ACAD11: variants seen among roughly 807,000 people sequenced by gnomAD.
ACAD11 encodes acyl-CoA dehydrogenase family member 11.
Under a neutral mutation model 102.2 loss-of-function variants are expected in ACAD11, and 83 were observed. The observed-to-expected ratio is 0.81, with a 90% CI of 0.68 to 0.97. ACAD11 has a LOEUF of 0.97. ACAD11 is among the 50% of genes least tolerant of loss of function. The pLI, the probability that ACAD11 is intolerant of heterozygous loss-of-function variation, is 0.00. For missense variants in ACAD11, 901 were observed against 951.7 expected, an observed-to-expected ratio of 0.95 and a Z score of 0.70; for synonymous variants, 324 against 319.8, an observed-to-expected ratio of 1.01 and a Z score of -0.14.
intron 1 of ACAD11, among the ~76,000 whole-genome samples, chr3:132,649,579 C>T (rs1312129343): frequency 6.6e-6 from 1 of 152,226 alleles, no homozygotes; most frequent in Non-Finnish European, 1.5e-5. Flanking sequence ...TGTCCTGCCA[C>T]ATTGCTCTTG....
intron 3 of ACAD11, among the ~76,000 whole-genome samples, 157 bp downstream of exon 3, chr3:132,642,520 C>T (rs1287851093): frequency 6.6e-6 from 1 of 152,118 alleles, no homozygotes; most frequent in Non-Finnish European, 1.5e-5. Context: ...TGTAAGTGCT[C>T]AAATTTGAAC....
At chr3:132,642,476 T>A (rs557973841) in intron 3 of ACAD11, among the ~76,000 whole-genome samples, 5 of 152,226 alleles carry the variant, frequency 3.3e-5, no homozygotes, top group Non-Finnish European at 7.3e-5. Flanking sequence ...CCCTAATTAC[T>A]AAATTTGTTT....
At chr3:132,652,518 C>G (rs1211576495) in intron 1 of ACAD11, among the ~76,000 whole-genome samples, 5 of 152,160 alleles carry the variant, frequency 3.3e-5, no homozygotes, top group African/African-American at 1.2e-4. Context: ...CCTTTCCTCA[C>G]TTCATGGTGT....
intron 17 of ACAD11, among the ~76,000 whole-genome samples, chr3:132,567,435 T>C (rs892115190): frequency 3.9e-5 from 6 of 151,944 alleles, no homozygotes; most frequent in Admixed American, 3.9e-4. Context: ...GTATATATAA[T>C]ACCTAGAACA....
At chr3:132,598,759 A>G (rs1938426425) in intron 13 of ACAD11, among the ~76,000 whole-genome samples, 1 of 152,206 alleles carries the variant, frequency 6.6e-6, no homozygotes, top group Non-Finnish European at 1.5e-5. Context: ...AATTAGTCCT[A>G]TCACTGTCTC....
At chr3:132,648,557 A>G (rs1940805066) in intron 1 of ACAD11, 1 of 152,086 alleles carries the variant, frequency 6.6e-6, no homozygotes, top group South Asian at 2.1e-4. Flanking sequence ...TGGAAAAAAA[A>G]AAAAGCATAG....
At chr3:132,613,203 ACAT>A (rs1291389618) in intron 11 of ACAD11, among the ~76,000 whole-genome samples, 1 of 151,352 alleles carries the variant, frequency 6.6e-6, no homozygotes, top group African/African-American at 2.4e-5. Context: ...AGGAAGGGGA[ACAT>A]CACACTCTGG....
intron 13 of ACAD11, among the ~76,000 whole-genome samples, chr3:132,599,421 C>T (rs547671722): frequency 7.9e-5 from 12 of 151,836 alleles, no homozygotes; most frequent in African/African-American, 2.4e-4. Flanking sequence ...GCAGGAGAAT[C>T]GCATGAACCC....
intron 17 of ACAD11, among the ~76,000 whole-genome samples, chr3:132,561,573 A>G (rs1937057727): frequency 6.6e-6 from 1 of 152,224 alleles, no homozygotes; most frequent in Non-Finnish European, 1.5e-5. Flanking sequence ...GCCTGCTGTC[A>G]TGGAAACTTG....
At chr3:132,617,518 T>G (rs1559960964) in intron 11 of ACAD11, among the ~76,000 whole-genome samples, 1 of 152,168 alleles carries the variant, frequency 6.6e-6, no homozygotes, top group Non-Finnish European at 1.5e-5. Flanking sequence ...TTAAAATATA[T>G]TTAGAATCTT....
chr3:132,561,001 T>C, intron 18 of ACAD11, 100 bp downstream of exon 18: 1 of 861,682 alleles, frequency 1.2e-6, no homozygotes, highest in South Asian at 1.5e-5. Context: ...TCCAATATTC[T>C]GAGTGCCATC....
At chr3:132,626,638 G>T (rs62291504) in intron 9 of ACAD11, 53 bp downstream of exon 9, 176,181 of 1,597,930 alleles carry the variant, frequency 0.11, 10,425 homozygotes, top group Middle Eastern at 0.15. Context: ...AATAACAAAA[G>T]TATTCATTGA....
chr3:132,597,852 T>C (rs1231042553), intron 13 of ACAD11, among the ~76,000 whole-genome samples: 3 of 152,154 alleles, frequency 2.0e-5, no homozygotes, highest in Non-Finnish European at 4.4e-5. Context: ...ACAAGGTTCA[T>C]ACTGTGTTAA....
At chr3:132,649,541 G>T (rs751787237) in intron 1 of ACAD11, among the ~76,000 whole-genome samples, 1 of 152,084 alleles carries the variant, frequency 6.6e-6, no homozygotes, top group African/African-American at 2.4e-5. Context: ...ATGTTTTCTT[G>T]CTGACCTTCT....
intron 17 of ACAD11, among the ~76,000 whole-genome samples, chr3:132,562,563 T>A (rs1937094085): frequency 6.6e-6 from 1 of 152,222 alleles, no homozygotes; most frequent in South Asian, 2.1e-4. Context: ...CTACTAGCAG[T>A]GTATGAGAGT....
chr3:132,653,042 C>A (rs1937614404), intron 1 of ACAD11, among the ~76,000 whole-genome samples: 1 of 152,106 alleles, frequency 6.6e-6, no homozygotes, highest in African/African-American at 2.4e-5. Context: ...CCAACAAAGG[C>A]AGGACATGTA....
Position 132,597,029 on chromosome 3 carries a change from G to A in ACAD11, c.1621+6200C>T, listed in dbSNP as rs540959386. Among the ~76,000 whole-genome samples the A allele has an allele frequency of 1.6e-4, 24 of 152,254 alleles. No homozygotes were observed. In the Middle Eastern group the frequency reaches 0.014, roughly 86 times the overall value. The stretch of plus-strand genomic sequence containing the variant: ...TGGTTCAGCAGTCAGTAGCTCAGCT[G>A]CAGGCACTTTCTTGTCCCCTTTGAC... On this transcript the variant is annotated intron_variant, in intron 13 of 19. Coordinates refer to ENST00000264990, the MANE Select transcript of ACAD11 (RefSeq NM_032169.5).
intron 13 of ACAD11, among the ~76,000 whole-genome samples, chr3:132,588,222 T>G (rs114173538): frequency 1.3e-5 from 2 of 152,228 alleles, no homozygotes; most frequent in African/African-American, 4.8e-5. Context: ...TGTATGTATG[T>G]ATGCATGTAG....
At chr3:132,568,300 T>C (rs531377503) in intron 17 of ACAD11, among the ~76,000 whole-genome samples, 3 of 152,242 alleles carry the variant, frequency 2.0e-5, no homozygotes, top group Admixed American at 1.3e-4. Context: ...ACAATACTTA[T>C]TATAATTGCT....
Sources: allele counts gnomAD v4.1 joint callset (sites outside exome capture counted in the v4.1 genomes callset), GRCh38; gene constraint gnomAD v4.1.1; transcripts MANE v1.5; gene names NCBI Gene and HGNC (gene_info 2026-07-23, HGNC 2026-07-21).